The following VPS13C variants were observed in gnomAD, a reference collection of about 807,000 sequenced individuals.
VPS13C encodes the protein intermembrane lipid transfer protein VPS13C.
In VPS13C, 358 loss-of-function variants were observed where a neutral mutation model predicts 456.8. That is an observed-to-expected ratio of 0.78 (90% CI 0.72 to 0.86). The LOEUF (loss-of-function observed/expected upper bound fraction) is 0.86, where lower values mean the gene tolerates loss of function less well. VPS13C is among the 40% of genes least tolerant of loss of function. The pLI is 0.00. For missense variants in VPS13C, 4,818 were observed against 4,385.4 expected (o/e 1.10, Z -2.79); for synonymous variants, 1,578 against 1,486.7 (o/e 1.06, Z -1.41).
chr15:61,942,318 T>C (rs1176285014), intron 45 of VPS13C, among the ~76,000 whole-genome samples: 1 of 151,464 alleles, frequency 6.6e-6, no homozygotes, highest in Non-Finnish European at 1.5e-5. Context: ...TTATAAAATA[T>C]AAAATAATTG....
chr15:62,051,845 G>A (rs1174261425), intron 1 of VPS13C, among the ~76,000 whole-genome samples: 1 of 152,160 alleles, frequency 6.6e-6, no homozygotes, highest in Non-Finnish European at 1.5e-5. Context: ...TTACAAAATG[G>A]TCATTTTAGT....
rs551223435 is a variant in VPS13C at position 62,043,975 on chromosome 15, A to G, written c.144+237T>C. Reference sequence around the variant, plus strand: ...GAAAAAGTCAACTACAAAACTATACAGTCAAATTAGATCAACGAAAAACAC... The same window carrying G: ...GAAAAAGTCAACTACAAAACTATACGGTCAAATTAGATCAACGAAAAACAC... On this transcript the variant is annotated intron_variant, in intron 2 of 84. Transcript: ENST00000644861. Among the ~76,000 whole-genome samples the G allele has an allele frequency of 1.5e-4, 23 of 152,326 alleles. No individual in the cohort carries two copies. In the East Asian group the frequency reaches 4.2e-3, roughly 28 times the overall value.
intron 9 of VPS13C, among the ~76,000 whole-genome samples, chr15:62,018,224 A>G (rs575830955): frequency 1.9e-3 from 281 of 151,542 alleles, no homozygotes; most frequent in Middle Eastern, 6.8e-3. Context: ...CAATCATGTC[A>G]TCTGCAAACA....
intron 36 of VPS13C, 24 bp downstream of exon 36, chr15:61,959,424 T>G (rs755196994): frequency 6.5e-7 from 1 of 1,537,782 alleles, no homozygotes; most frequent in Non-Finnish European, 8.8e-7. Flanking sequence ...AACAATGAAG[T>G]TTTTTCTTCA....
At chr15:61,978,532 G>T in intron 23 of VPS13C, 94 bp downstream of exon 23, 4 of 1,409,770 alleles carry the variant, frequency 2.8e-6, no homozygotes, top group Non-Finnish European at 3.8e-6. Flanking sequence ...CAAAATGGTT[G>T]TCAGGGTTGA....
chr15:61,873,168 T>G, intron 78 of VPS13C, 78 bp downstream of exon 78: 1 of 1,581,780 alleles, frequency 6.3e-7, no homozygotes, highest in Non-Finnish European at 8.6e-7. Flanking sequence ...ATAAGCAGCA[T>G]TCTAAGTTTC....
At chr15:62,045,699 T>C (rs2048376868) in intron 1 of VPS13C, among the ~76,000 whole-genome samples, 2 of 152,096 alleles carry the variant, frequency 1.3e-5, no homozygotes, top group African/African-American at 4.8e-5. Flanking sequence ...GAATAACTAT[T>C]GATCTGTCCA....
intron 3 of VPS13C, 33 bp downstream of exon 3, chr15:62,041,291 A>G: frequency 6.3e-7 from 1 of 1,585,468 alleles, no homozygotes; most frequent in Non-Finnish European, 8.5e-7. Context: ...CAATAGGACC[A>G]AGAATAATTC....
chr15:61,997,914 C>G (rs943084528), intron 16 of VPS13C, among the ~76,000 whole-genome samples: 4 of 152,140 alleles, frequency 2.6e-5, no homozygotes, highest in Admixed American at 6.5e-5. Context: ...ATCATATCAC[C>G]CTGTTTCAAA....
At position 61,924,029 on chromosome 15, in the gene VPS13C, C is replaced by T. The variant is rs2043755281; in HGVS notation, c.6610-1267G>A. ...TACAGGCGCCCGCCACTACGCCCGG[C>T]TAATTTTTTGTATTTTTTAGTAGAG... is the stretch of plus-strand genomic sequence containing the variant. On this transcript the variant is annotated intron_variant, in intron 53 of 84. Transcript: ENST00000644861. Among the ~76,000 whole-genome samples the T allele has an allele frequency of 2.7e-5, 4 of 150,770 alleles. No homozygotes were observed. The South Asian group carries it at 8.5e-4, about 32-fold the overall frequency.
intron 52 of VPS13C, 29 bp from the exon 53 acceptor site, chr15:61,925,577 T>G (rs781581139): frequency 6.8e-7 from 1 of 1,480,782 alleles, no homozygotes; most frequent in Non-Finnish European, 9.2e-7. Context: ...AATTCACATT[T>G]CCATAGATCC....
At chr15:61,994,648 G>A (rs547435295) in intron 16 of VPS13C, among the ~76,000 whole-genome samples, 2 of 151,050 alleles carry the variant, frequency 1.3e-5, no homozygotes, top group South Asian at 4.2e-4. Flanking sequence ...GGAGTGCAAT[G>A]GCATGGTCTC....
At chr15:61,950,582 C>T (rs2044753999) in intron 40 of VPS13C, among the ~76,000 whole-genome samples, 165 bp from the exon 41 acceptor site, 1 of 150,802 alleles carries the variant, frequency 6.6e-6, no homozygotes, top group African/African-American at 2.4e-5. Context: ...AACAAACTGA[C>T]CACATAAGCA....
At chr15:62,010,415 T>G in intron 13 of VPS13C, 57 bp downstream of exon 13, 2 of 1,436,592 alleles carry the variant, frequency 1.4e-6, no homozygotes, top group Non-Finnish European at 1.8e-6. Flanking sequence ...TAATCACAAA[T>G]AAAAGCAGTC....
intron 15 of VPS13C, among the ~76,000 whole-genome samples, chr15:62,003,196 G>A (rs1423595210): frequency 2.6e-5 from 4 of 151,570 alleles, no homozygotes; most frequent in Non-Finnish European, 5.9e-5. Context: ...TTATTTCATT[G>A]AGCAGTGGTT....
intron 15 of VPS13C, among the ~76,000 whole-genome samples, chr15:62,001,161 C>G (rs2046598829): frequency 6.6e-6 from 1 of 152,186 alleles, no homozygotes. Flanking sequence ...GCTTTATGTG[C>G]TGTCTCATAC....
rs1472107551 is a variant in VPS13C at position 62,032,048 on chromosome 15, T to C, written c.385+1393A>G. Among the ~76,000 whole-genome samples the C allele has an allele frequency of 9.2e-5, 14 of 151,960 alleles. No homozygotes were observed. In the East Asian group the frequency reaches 1.5e-3, roughly 17 times the overall value. On this transcript the variant is annotated intron_variant, in intron 5 of 84. Coordinates refer to ENST00000644861, the MANE Select transcript of VPS13C (RefSeq NM_020821.3). The stretch of plus-strand genomic sequence containing the variant: ...GTTTCTAAATAATATATGTAACTTA[T>C]TATGTAATTGTAAATGATAAATGTG...
intron 14 of VPS13C, among the ~76,000 whole-genome samples, chr15:62,007,691 T>C (rs2046899287): frequency 6.6e-6 from 1 of 152,150 alleles, no homozygotes; most frequent in Non-Finnish European, 1.5e-5. Flanking sequence ...CAAAGCAAAA[T>C]CCAAAAGGCA....
intron 66 of VPS13C, among the ~76,000 whole-genome samples, chr15:61,891,281 T>C (rs1454632931): frequency 6.6e-6 from 1 of 152,006 alleles, no homozygotes; most frequent in Non-Finnish European, 1.5e-5. Context: ...GCAGTACGAG[T>C]ACCTACTATG....
Sources: gnomAD v4.1 joint callset for allele counts (sites outside exome capture counted in the v4.1 genomes callset) on GRCh38, gnomAD v4.1.1 for gene constraint, MANE v1.5 for transcripts, NCBI Gene and HGNC (gene_info 2026-07-23, HGNC 2026-07-21) for gene names.